Variants in UBE3B observed in about 807,000 individuals in gnomAD.
UBE3B encodes ubiquitin-protein ligase E3B.
In UBE3B, 80 loss-of-function variants were observed where a neutral mutation model predicts 132.3. That is an observed-to-expected ratio of 0.60 (90% CI 0.50 to 0.73). The LOEUF is 0.73. Among genes scored for constraint, UBE3B ranks in the 30% least tolerant of loss-of-function variants. The probability of loss-of-function intolerance (pLI) is 0.00; values close to 1 mark genes in which losing one functional copy is unlikely to be tolerated. For missense variants in UBE3B, 1,196 were observed against 1,362.5 expected, an observed-to-expected ratio of 0.88 and a Z score of 1.92; for synonymous variants, 487 against 520.4, an observed-to-expected ratio of 0.94 and a Z score of 0.87.
chr12:109,506,946 C>T (rs1879768299), intron 14 of UBE3B, among the ~76,000 whole-genome samples: 1 of 152,238 alleles, frequency 6.6e-6, no homozygotes, highest in South Asian at 2.1e-4. Context: ...TGTAACCAGT[C>T]AAGCTGTCTC....
rs1592959934 is a variant in UBE3B, at chr12:109,523,928, C to T, written c.2365-50C>T. The T allele has an allele frequency of 1.9e-6, 3 of 1,608,952 alleles. No individual in the cohort carries two copies. In the East Asian group the frequency reaches 6.7e-5, roughly 36 times the overall value. The stretch of plus-strand genomic sequence containing the variant: ...ACCCTGAGCCACCCCAATCCAAACA[C>T]TGCATCAGAATCCTGGCTGATGGAC... On this transcript the variant is annotated intron_variant, in intron 21 of 27. Coordinates refer to ENST00000342494, the MANE Select transcript of UBE3B (RefSeq NM_130466.4).
chr12:109,529,634 G>A (rs1181589683), intron 24 of UBE3B, among the ~76,000 whole-genome samples: 2 of 152,202 alleles, frequency 1.3e-5, no homozygotes, highest in Non-Finnish European at 2.9e-5. Context: ...ACCCCGAGGT[G>A]TGACCTATGG....
Position 109,498,349 on chromosome 12 carries a change from A to G in UBE3B, c.936A>G (p.Leu312=), listed in dbSNP as rs777470103. The G allele has an allele frequency of 2.5e-6, 4 of 1,613,632 alleles. 1 individual carries two copies. The Admixed American group carries it at 5.0e-5, about 20-fold the overall frequency. The change falls in exon 11 of 28, where the codon CTA becomes CTG. Residue 312 remains leucine (L), a synonymous_variant. Transcript: ENST00000342494. ...TAGAAGGATGCCATACGCTTTGTCT[A>G]ATGGGTAAGTATCCGTGGCTGGAAC... ...ESLEGCHTLC[L]MGNLLHLGSL... is the part of the protein sequence containing the mutation.
At chr12:109,547,655 A>G in the UBE3B span, among the ~76,000 whole-genome samples, 2 of 152,208 alleles carry the variant, frequency 1.3e-5, no homozygotes, top group Non-Finnish European at 2.9e-5. This position sits in a 1 kb window ranked among gnomAD's most constrained non-coding sequence, Gnocchi z 4.1. Context: ...GCTCCCTGAC[A>G]GCAGCCAACC....
chr12:109,542,779 C>T, the UBE3B span, among the ~76,000 whole-genome samples: 25,554 of 152,200 alleles, frequency 0.17, 2,208 homozygotes, highest in African/African-American at 0.18. Flanking sequence ...TGGAGAGGAA[C>T]CAACCCTGTG....
At chr12:109,484,044 T>C in intron 4 of UBE3B, 63 bp downstream of exon 4, 1 of 1,517,456 alleles carries the variant, frequency 6.6e-7, no homozygotes, top group Non-Finnish European at 9.0e-7. Context: ...TAATTATTGA[T>C]ATTAACTCAG....
In UBE3B at chr12:109,479,806, G is replaced by C. The variant is rs149680270; in HGVS notation, c.-128+1697G>C. 1.2e-4 allele frequency among the ~76,000 whole-genome samples: 18 copies of C among 152,298 alleles called. 1 individual carries two copies. In the East Asian group the frequency reaches 3.5e-3, roughly 29 times the overall value. Reference sequence around the variant, plus strand: ...ATTTCTTATTCTGGGAGGGCCCCTGGGAGAAGTGAAAGTTTTAAGATCGTC... The same window carrying C: ...ATTTCTTATTCTGGGAGGGCCCCTGCGAGAAGTGAAAGTTTTAAGATCGTC... On this transcript the variant is annotated intron_variant, in intron 1 of 27. Transcript: ENST00000342494.
chr12:109,486,589 A>G lies in UBE3B; in HGVS notation c.447+14A>G. 7.1e-7 allele frequency: 1 copy of G among 1,408,084 alleles called. No individual in the cohort carries two copies. The highest frequency in any genetic ancestry group is 9.6e-7 in the Non-Finnish European group (1 of 1,037,908). The allele number at this position is 1,408,084 out of a possible 1,614,324, so 87.2% of individuals were successfully genotyped here. ...AAGCAGCTCAAGGTAACAAAAAAAA[A>G]AAAAAAAAAAAAAAGCAAAACCAGA... On this transcript the variant is annotated intron_variant, in intron 6 of 27. Coordinates refer to ENST00000342494, the MANE Select transcript of UBE3B (RefSeq NM_130466.4).
At chr12:109,538,919 C>A (rs116449826), downstream of UBE3B, among the ~76,000 whole-genome samples, 923 of 152,320 alleles carry the variant, frequency 6.1e-3, 16 homozygotes, top group African/African-American at 0.021. The surrounding 1 kb of genome is among the most constrained non-coding windows in gnomAD (Gnocchi z 4.1). Context: ...ACTGCACATA[C>A]AATCGCTTGG....
At chr12:109,525,143 A>G (rs1882188213) in intron 23 of UBE3B, among the ~76,000 whole-genome samples, 1 of 152,124 alleles carries the variant, frequency 6.6e-6, no homozygotes, top group Non-Finnish European at 1.5e-5. Context: ...AGTCTCCCTG[A>G]GCCACACTTT....
chr12:109,490,843 AG>A (rs1877355288), intron 8 of UBE3B: 1 of 1,187,882 alleles, frequency 8.4e-7, no homozygotes, highest in East Asian at 2.7e-5. Context: ...TTTAAGAGAC[AG>A]GGTTGCCCTG....
At chr12:109,515,039 G>A (rs915155275) in intron 18 of UBE3B, among the ~76,000 whole-genome samples, 4 of 151,826 alleles carry the variant, frequency 2.6e-5, no homozygotes, top group South Asian at 2.1e-4. Flanking sequence ...TCAGCCTCCC[G>A]AGTAGCTGGG....
chr12:109,513,007 A>G (rs2287189), intron 18 of UBE3B, among the ~76,000 whole-genome samples: 55 of 151,960 alleles, frequency 3.6e-4, no homozygotes, highest in Admixed American at 3.5e-3. Context: ...TCCTTGAACA[A>G]CCCCTAAAAG....
At position 109,530,553 on chromosome 12, in the gene UBE3B, C is replaced by T; in HGVS notation, c.2817C>T (p.His939=). 6.2e-7 allele frequency: 1 copy of T among 1,614,112 alleles called. No individual in the cohort carries two copies. The highest frequency in any genetic ancestry group is 1.3e-5 in the African/African-American group (1 of 75,040). ...AGGTCTGTATTGCTTTCAGGAAGCA[C>T]ACAGTCTACTACGGTGGTTTCCATG... ...AEIDLEDLKK[H]TVYYGGFHGS... is the part of the protein sequence containing the mutation. Residue 939 remains histidine, a synonymous_variant, in exon 26 of 28, where the codon CAC becomes CAT. Coordinates refer to ENST00000342494, the MANE Select transcript of UBE3B (RefSeq NM_130466.4).
At chr12:109,523,877 C>A in intron 21 of UBE3B, 101 bp from the exon 22 acceptor site, 1 of 1,520,916 alleles carries the variant, frequency 6.6e-7, no homozygotes, top group Non-Finnish European at 8.9e-7. Context: ...CTGGAAATGC[C>A]GATGGCACCC....
intron 8 of UBE3B, chr12:109,490,294 C>T: frequency 2.4e-6 from 3 of 1,245,072 alleles, no homozygotes; most frequent in Non-Finnish European, 3.3e-6. Flanking sequence ...GGCTTGTTCC[C>T]TCAGATTCCT....
At chr12:109,487,225 A>G (rs894300556) in intron 6 of UBE3B, among the ~76,000 whole-genome samples, 1 of 152,120 alleles carries the variant, frequency 6.6e-6, no homozygotes, top group Non-Finnish European at 1.5e-5. Flanking sequence ...TGGCAAGAGG[A>G]ATGGGGTACT....
intron 4 of UBE3B, among the ~76,000 whole-genome samples, chr12:109,484,645 C>T (rs939296034): frequency 2.0e-5 from 3 of 152,080 alleles, no homozygotes; most frequent in Admixed American, 6.5e-5. Context: ...CCGCCTCAGC[C>T]TCCCAGAGTG....
In UBE3B at chr12:109,529,879, G is replaced by C; in HGVS notation, c.2628-11G>C. On this transcript the variant is annotated splice_polypyrimidine_tract_variant and intron_variant, in intron 24 of 27. Coordinates refer to ENST00000342494, the MANE Select transcript of UBE3B (RefSeq NM_130466.4). ...TAATTGTCATTGTTATCTCTTCCTT[G>C]TTGGCAACAGAATTAGCTACATCCA... The C allele has an allele frequency of 1.2e-6, 2 of 1,613,820 alleles. No individual in the cohort carries two copies. The highest frequency in any genetic ancestry group is 1.7e-6 in the Non-Finnish European group (2 of 1,179,760).
Sources: gnomAD v4.1 joint callset for allele counts (sites outside exome capture counted in the v4.1 genomes callset) on GRCh38, gnomAD v4.1.1 for gene constraint, Gnocchi (gnomAD v3.1) non-coding constraint, MANE v1.5 for transcripts, NCBI Gene and HGNC (gene_info 2026-07-23, HGNC 2026-07-21) for gene names.